WDR41: variants seen among roughly 807,000 people sequenced by gnomAD.
The protein encoded by WDR41 is WD repeat-containing protein 41.
WDR41 carries 63 observed loss-of-function variants against 69.3 expected under a neutral mutation model. That is an observed-to-expected ratio of 0.91 (90% confidence interval 0.74 to 1.12). WDR41 has a LOEUF of 1.12. WDR41 is among the 50% of genes most tolerant of loss of function. The pLI, the probability that WDR41 is intolerant of heterozygous loss-of-function variation, is 0.00. For synonymous variants in WDR41, 185 were observed against 192.1 expected, an observed-to-expected ratio of 0.96 and a Z score of 0.31; for missense variants, 543 against 534.5, an observed-to-expected ratio of 1.02 and a Z score of -0.16.
intron 1 of WDR41, among the ~76,000 whole-genome samples, chr5:77,561,325 T>C (rs554152493): frequency 5.8e-4 from 89 of 152,316 alleles, no homozygotes; most frequent in Admixed American, 2.3e-3. Context: ...TCCAAGTTAA[T>C]TTAGCAAAAT....
At chr5:77,603,083 G>A (rs1395175507) in intron 1 of WDR41, among the ~76,000 whole-genome samples, 8 of 151,822 alleles carry the variant, frequency 5.3e-5, no homozygotes, top group South Asian at 2.1e-4. Flanking sequence ...GACTACAGGC[G>A]CCCACCACCA....
intron 1 of WDR41, among the ~76,000 whole-genome samples, chr5:77,588,699 A>C (rs1744082887): frequency 6.6e-6 from 1 of 152,188 alleles, no homozygotes; most frequent in South Asian, 2.1e-4. Flanking sequence ...GATTGCTCCT[A>C]TGCGAAATAA....
intron 1 of WDR41, among the ~76,000 whole-genome samples, chr5:77,521,571 C>T: frequency 6.6e-6 from 1 of 152,208 alleles, no homozygotes; most frequent in East Asian, 1.9e-4. Context: ...GGTCCACAAT[C>T]CCTTATCCAT....
chr5:77,593,795 A>G (rs1476321224), intron 1 of WDR41, among the ~76,000 whole-genome samples: 1 of 152,064 alleles, frequency 6.6e-6, no homozygotes, highest in Admixed American at 6.5e-5. Context: ...TGCTCATTCT[A>G]TTTCACCCAT....
intron 1 of WDR41, among the ~76,000 whole-genome samples, chr5:77,520,229 C>T (rs548064100): frequency 1.3e-5 from 2 of 152,124 alleles, no homozygotes; most frequent in Non-Finnish European, 2.9e-5. Context: ...AAAGGGTCTA[C>T]GCTAATAAAC....
intron 1 of WDR41, 138 bp downstream of exon 1, chr5:77,492,032 C>G (rs999481453): frequency 9.0e-7 from 1 of 1,112,540 alleles, no homozygotes; most frequent in Non-Finnish European, 1.3e-6. Flanking sequence ...GTCGTGAGAA[C>G]AGCGCGTGGC....
intron 2 of WDR41, among the ~76,000 whole-genome samples, chr5:77,481,125 G>A (rs1246152794): frequency 2.0e-5 from 3 of 151,816 alleles, no homozygotes; most frequent in South Asian, 2.1e-4. Flanking sequence ...AGGTTCTAAC[G>A]ATTCTCCTGC....
At chr5:77,527,212 A>G (rs752123770) in intron 1 of WDR41, among the ~76,000 whole-genome samples, 4 of 151,964 alleles carry the variant, frequency 2.6e-5, no homozygotes, top group Non-Finnish European at 5.9e-5. Context: ...GTCAGGCCAG[A>G]TTTTTAAAAA....
intron 1 of WDR41, among the ~76,000 whole-genome samples, chr5:77,510,584 C>T (rs1802182490): frequency 6.6e-6 from 1 of 152,032 alleles, no homozygotes; most frequent in African/African-American, 2.4e-5. Context: ...TTCAGGTTTC[C>T]ATGCCTTTCT....
chr5:77,581,716 A>C (rs564873194), intron 1 of WDR41, among the ~76,000 whole-genome samples: 1 of 152,336 alleles, frequency 6.6e-6, no homozygotes, highest in South Asian at 2.1e-4. Flanking sequence ...AAACTCACAA[A>C]TACATGGAAA....
chr5:77,584,970 G>A (rs1744011345), intron 1 of WDR41, among the ~76,000 whole-genome samples: 1 of 152,044 alleles, frequency 6.6e-6, no homozygotes, highest in Non-Finnish European at 1.5e-5. Context: ...AAGATAAATA[G>A]CTGGGACCTA....
intron 1 of WDR41, among the ~76,000 whole-genome samples, chr5:77,610,935 G>A (rs1339901232): frequency 6.6e-6 from 1 of 152,132 alleles, no homozygotes; most frequent in Non-Finnish European, 1.5e-5. Flanking sequence ...GACACACATA[G>A]GCTCAAAATA....
At chr5:77,545,967 A>G in intron 1 of WDR41, 1 of 483,444 alleles carries the variant, frequency 2.1e-6, no homozygotes, top group Admixed American at 3.9e-5. Context: ...CGTGCTGGTG[A>G]CCTCATCCCT....
At chr5:77,467,227 C>T (rs1040776305) in intron 2 of WDR41, among the ~76,000 whole-genome samples, 2 of 151,942 alleles carry the variant, frequency 1.3e-5, no homozygotes, top group Non-Finnish European at 2.9e-5. Flanking sequence ...TAACATTTTA[C>T]ATACTAATTT....
At chr5:77,433,703 G>A (rs1384353115) in intron 12 of WDR41, among the ~76,000 whole-genome samples, 4 of 152,062 alleles carry the variant, frequency 2.6e-5, no homozygotes, top group African/African-American at 9.7e-5. Context: ...GGTGTTAAGT[G>A]TCAGCACTAC....
Position 77,449,771 on chromosome 5 carries a change from A to C in WDR41, c.686T>G (p.Ile229Ser), listed in dbSNP as rs1357479539. 6.3e-7 allele frequency: 1 copy of C among 1,598,194 alleles called. No homozygotes were observed. Among genetic ancestry groups the C allele is most frequent in the Non-Finnish European group, 8.6e-7 (1 of 1,165,704 alleles). The change falls in exon 8 of 13, where the codon ATT (isoleucine) becomes AGT (serine). Residue 229 changes from isoleucine (I) to serine (S), a missense_variant. Ile to Ser is a moderately radical substitution (Grantham distance 142). Coordinates refer to ENST00000296679, the MANE Select transcript of WDR41 (RefSeq NM_018268.4). ...CACAATGAGCTTACCATTGACATTA[A>C]TCAATGAGAGAATATTATCCTGGTG... is the stretch of plus-strand genomic sequence containing the variant. ...LDHQDNILSLINVNDLSFVTG... is the reference protein window; with the variant it reads ...LDHQDNILSLSNVNDLSFVTG...
chr5:77,612,888 G>C (rs1324388806), intron 1 of WDR41, among the ~76,000 whole-genome samples: 2 of 151,848 alleles, frequency 1.3e-5, no homozygotes, highest in African/African-American at 4.8e-5. Flanking sequence ...TGTATATCTA[G>C]AAAACCCCAT....
chr5:77,609,938 T>G (rs1424311220), intron 1 of WDR41, among the ~76,000 whole-genome samples: 1 of 152,018 alleles, frequency 6.6e-6, no homozygotes, highest in African/African-American at 2.4e-5. Flanking sequence ...ATAACTAGAA[T>G]AACCAATACA....
chr5:77,446,165 C>G (rs1467765114), intron 8 of WDR41, among the ~76,000 whole-genome samples: 1 of 152,100 alleles, frequency 6.6e-6, no homozygotes, highest in Non-Finnish European at 1.5e-5. Flanking sequence ...TGAATGAACT[C>G]CCATTCACAA....
Sources: allele counts gnomAD v4.1 joint callset (sites outside exome capture counted in the v4.1 genomes callset), GRCh38; gene constraint gnomAD v4.1.1; transcripts MANE v1.5; gene names NCBI Gene and HGNC (gene_info 2026-07-23, HGNC 2026-07-21).